The following MYO5B variants were observed in gnomAD, a reference collection of about 807,000 sequenced individuals.
MYO5B encodes unconventional myosin-Vb.
Under a neutral mutation model 229.3 loss-of-function variants are expected in MYO5B, and 143 were observed. The ratio of observed to expected loss-of-function variants is 0.62; its 90% CI spans 0.54 to 0.72. The LOEUF is 0.72. Among genes scored for constraint, MYO5B ranks in the 30% least tolerant of loss-of-function variants. The probability of loss-of-function intolerance (pLI) is 0.00; values close to 1 mark genes in which losing one functional copy is unlikely to be tolerated. For missense variants in MYO5B, 2,321 were observed against 2,331.0 expected, an observed-to-expected ratio of 1.00 and a Z score of 0.09; for synonymous variants, 918 against 885.2, an observed-to-expected ratio of 1.04 and a Z score of -0.66.
chr18:49,971,194 A>G (rs2025687705), intron 10 of MYO5B, among the ~76,000 whole-genome samples: 1 of 152,204 alleles, frequency 6.6e-6, no homozygotes, highest in South Asian at 2.1e-4. Context: ...CACTTCCCAT[A>G]GTCATGAATA....
chr18:50,045,827 G>A (rs192725764), intron 2 of MYO5B, among the ~76,000 whole-genome samples: 5 of 152,348 alleles, frequency 3.3e-5, no homozygotes, highest in African/African-American at 1.2e-4. Context: ...CGCTGGCCTA[G>A]ACTGTTCTAA....
At chr18:49,835,865 G>A (rs2023981262) in intron 38 of MYO5B, among the ~76,000 whole-genome samples, 1 of 152,190 alleles carries the variant, frequency 6.6e-6, no homozygotes, top group Non-Finnish European at 1.5e-5. Flanking sequence ...TATTTGAACA[G>A]GAGATACTCT....
intron 29 of MYO5B, among the ~76,000 whole-genome samples, chr18:49,860,189 G>A (rs558951533): frequency 6.6e-6 from 1 of 152,182 alleles, no homozygotes; most frequent in Admixed American, 6.5e-5. Context: ...GGAATCAAAG[G>A]AGCACTGTCA....
intron 12 of MYO5B, among the ~76,000 whole-genome samples, chr18:49,956,937 TG>T (rs1369973056): frequency 6.6e-6 from 1 of 152,104 alleles, no homozygotes; most frequent in Non-Finnish European, 1.5e-5. Context: ...GGAGAATAGC[TG>T]CTAAAGGGCT....
At chr18:49,845,417 G>A (rs2024112736) in intron 33 of MYO5B, among the ~76,000 whole-genome samples, 1 of 152,206 alleles carries the variant, frequency 6.6e-6, no homozygotes, top group Admixed American at 6.5e-5. Context: ...CCTAGGCACA[G>A]TGCTCAGCAG....
At chr18:50,040,364 G>A (rs768245735) in intron 2 of MYO5B, 50 bp from the exon 3 acceptor site, 72 of 1,531,022 alleles carry the variant, frequency 4.7e-5, no homozygotes, top group Non-Finnish European at 6.2e-5. Flanking sequence ...GAAGCGTTAA[G>A]TCTGTATTCA....
In MYO5B at chr18:49,997,630, C is replaced by T. The variant is rs571777075; in HGVS notation, c.612+3625G>A. On this transcript the variant is annotated intron_variant, in intron 5 of 39. Coordinates refer to ENST00000285039, the MANE Select transcript of MYO5B (RefSeq NM_001080467.3). The stretch of plus-strand genomic sequence containing the variant: ...TCAGTGCAGACTTGTGAACAAATCA[C>T]TCCTGGGATGCTGACAAGCTCTTAA... 5.9e-5 allele frequency among the ~76,000 whole-genome samples: 9 copies of T among 152,234 alleles called. No homozygotes were observed. The South Asian group carries it at 1.9e-3, about 32-fold the overall frequency.
intron 1 of MYO5B, among the ~76,000 whole-genome samples, chr18:50,056,310 A>T (rs967696128): frequency 1.3e-5 from 2 of 152,164 alleles, no homozygotes; most frequent in African/African-American, 4.8e-5. Flanking sequence ...CCTGGAAAAT[A>T]TCAATTCTTG....
At chr18:50,086,533 C>A (rs79336804) in intron 1 of MYO5B, among the ~76,000 whole-genome samples, 1,963 of 152,296 alleles carry the variant, frequency 0.013, 34 homozygotes, top group African/African-American at 0.045. Context: ...ACTGGTGGAC[C>A]TTGACAAGTG....
intron 1 of MYO5B, among the ~76,000 whole-genome samples, chr18:50,186,507 C>A (rs1294448697): frequency 6.6e-6 from 1 of 152,172 alleles, no homozygotes; most frequent in East Asian, 1.9e-4. Context: ...AGTACCATAT[C>A]TTGTCTACCG....
intron 17 of MYO5B, among the ~76,000 whole-genome samples, chr18:49,912,424 G>A (rs1340079231): frequency 6.6e-6 from 1 of 152,112 alleles, no homozygotes; most frequent in Non-Finnish European, 1.5e-5. Context: ...CTTCTTAGAG[G>A]ACTAAACAGG....
At chr18:50,190,394 C>A (rs575332027) in intron 1 of MYO5B, among the ~76,000 whole-genome samples, 2 of 152,336 alleles carry the variant, frequency 1.3e-5, no homozygotes, top group East Asian at 3.9e-4. Context: ...CACATGCATG[C>A]CACTGTGACA....
At chr18:50,182,793 G>A (rs1282818373) in intron 1 of MYO5B, among the ~76,000 whole-genome samples, 3 of 152,182 alleles carry the variant, frequency 2.0e-5, no homozygotes, top group Non-Finnish European at 4.4e-5. Context: ...GCTCCTTGGT[G>A]AGGAGAGGAC....
intron 9 of MYO5B, among the ~76,000 whole-genome samples, chr18:49,978,045 G>A (rs2025771454): frequency 6.6e-6 from 1 of 152,152 alleles, no homozygotes; most frequent in Admixed American, 6.5e-5. Flanking sequence ...CAGAACAATG[G>A]AAGACCAGCC....
chr18:49,937,063 C>A (rs2025258694), intron 15 of MYO5B, among the ~76,000 whole-genome samples, 182 bp downstream of exon 15: 1 of 152,174 alleles, frequency 6.6e-6, no homozygotes, highest in Non-Finnish European at 1.5e-5. Flanking sequence ...TCTGTTAGTT[C>A]CTTGTGGTGA....
At position 49,853,721 on chromosome 18, in the gene MYO5B, A is replaced by G. The variant is rs1292650847; in HGVS notation, c.4023-74T>C. The G allele has an allele frequency of 6.4e-6, 9 of 1,406,800 alleles. No individual in the cohort carries two copies. In the African/African-American group the frequency reaches 7.1e-5, roughly 11 times the overall value. 87.1% of individuals were successfully genotyped at this position (1,406,800 alleles called of 1,614,324 possible). A position where few individuals can be genotyped will look rare whatever the true frequency, so the allele number is the denominator to read the frequency against. On this transcript the variant is annotated intron_variant, in intron 30 of 39. Transcript: ENST00000285039. ...CATCTGAGGGGACACAGGCAGAAAC[A>G]TAACAGGGGAGCAGCCAAGCACACA...
At chr18:50,027,741 T>C (rs192519104) in intron 4 of MYO5B, among the ~76,000 whole-genome samples, 2 of 152,342 alleles carry the variant, frequency 1.3e-5, no homozygotes, top group African/African-American at 4.8e-5. Flanking sequence ...AGATTACCAC[T>C]TCTAGATAAG....
intron 4 of MYO5B, among the ~76,000 whole-genome samples, chr18:50,035,671 T>C (rs1342970340): frequency 6.6e-6 from 1 of 152,234 alleles, no homozygotes. Flanking sequence ...GGACTCCTAG[T>C]TGAGCCCTGA....
intron 17 of MYO5B, among the ~76,000 whole-genome samples, chr18:49,919,987 G>A (rs1033025613): frequency 2.0e-5 from 3 of 152,184 alleles, no homozygotes; most frequent in African/African-American, 4.8e-5. Context: ...GCAATATAAA[G>A]GAATAAACTA....
Sources: gnomAD v4.1 joint callset for allele counts (sites outside exome capture counted in the v4.1 genomes callset) on GRCh38, gnomAD v4.1.1 for gene constraint, MANE v1.5 for transcripts, NCBI Gene and HGNC (gene_info 2026-07-23, HGNC 2026-07-21) for gene names.